Variants in FRMD3 observed in about 807,000 individuals in gnomAD.
FRMD3 encodes the protein FERM domain containing 3.
A neutral mutation model predicts 70.2 loss-of-function variants in FRMD3; 33 were observed. The ratio of observed to expected loss-of-function variants is 0.47; its 90% CI spans 0.36 to 0.63. The LOEUF (loss-of-function observed/expected upper bound fraction) is 0.63. Ranked by LOEUF, FRMD3 falls within the 20% of genes least tolerant of loss-of-function variation. FRMD3 has a pLI of 0.00. For synonymous variants in FRMD3, 279 were observed against 255.9 expected (o/e 1.09, Z -0.86); for missense variants, 632 against 711.4 (o/e 0.89, Z 1.27).
chr9:83,375,178 T>C (rs923230309), intron 2 of FRMD3, among the ~76,000 whole-genome samples: 2 of 152,190 alleles, frequency 1.3e-5, no homozygotes, highest in African/African-American at 4.8e-5. Context: ...CCATGATGGA[T>C]TGGCTATGTC....
chr9:83,305,449 A>G (rs1835091670), intron 10 of FRMD3, among the ~76,000 whole-genome samples: 1 of 152,240 alleles, frequency 6.6e-6, no homozygotes, highest in African/African-American at 2.4e-5. Flanking sequence ...CCAAGAGATT[A>G]ACAGCTTTGT....
intron 2 of FRMD3, among the ~76,000 whole-genome samples, chr9:83,374,193 C>T (rs765427848): frequency 9.9e-5 from 15 of 151,940 alleles, no homozygotes; most frequent in Non-Finnish European, 1.8e-4. Context: ...GTATGGCCTC[C>T]TGGCTGATCA....
intron 12 of FRMD3, among the ~76,000 whole-genome samples, chr9:83,295,128 A>T (rs1371072659): frequency 6.6e-6 from 1 of 152,234 alleles, no homozygotes; most frequent in East Asian, 1.9e-4. Flanking sequence ...CTCTATTGAA[A>T]TAGAAAGGTT....
the FRMD3 span, among the ~76,000 whole-genome samples, chr9:83,578,668 G>A: frequency 6.6e-6 from 1 of 151,824 alleles, no homozygotes; most frequent in Non-Finnish European, 1.5e-5. Flanking sequence ...ATTAGGTACA[G>A]AAGAAATGGA....
At chr9:83,549,522 T>C in the FRMD3 span, among the ~76,000 whole-genome samples, 1 of 152,010 alleles carries the variant, frequency 6.6e-6, no homozygotes, top group Non-Finnish European at 1.5e-5. Flanking sequence ...GAGGGATCAC[T>C]ATACTGCTTC....
intron 3 of FRMD3, among the ~76,000 whole-genome samples, chr9:83,354,625 C>A (rs1315117782): frequency 1.3e-5 from 2 of 152,120 alleles, no homozygotes; most frequent in Non-Finnish European, 2.9e-5. Context: ...GCTAATAAAC[C>A]TGTGCATGTA....
intron 1 of FRMD3, among the ~76,000 whole-genome samples, chr9:83,430,319 T>C (rs1826935651): frequency 6.6e-6 from 1 of 152,124 alleles, no homozygotes; most frequent in Non-Finnish European, 1.5e-5. Context: ...AACCCCAAGA[T>C]TGGCTCCATT....
At chr9:83,354,761 G>A (rs973006878) in intron 3 of FRMD3, among the ~76,000 whole-genome samples, 2 of 152,170 alleles carry the variant, frequency 1.3e-5, no homozygotes. Context: ...AAGGTCATAT[G>A]TGCTATGGGA....
At chr9:83,449,273 A>T (rs139986873) in intron 1 of FRMD3, among the ~76,000 whole-genome samples, 21 of 152,362 alleles carry the variant, frequency 1.4e-4, no homozygotes, top group African/African-American at 4.8e-4. Flanking sequence ...AACCTAACAC[A>T]GAACTCACGA....
intron 10 of FRMD3, among the ~76,000 whole-genome samples, chr9:83,309,038 TGA>T (rs1055328244): frequency 6.6e-6 from 1 of 152,120 alleles, no homozygotes; most frequent in African/African-American, 2.4e-5. Context: ...TAAGAAGATC[TGA>T]GCCCAGTTGT....
chr9:83,386,732 C>T (rs1030828267), intron 2 of FRMD3, among the ~76,000 whole-genome samples: 6 of 152,160 alleles, frequency 3.9e-5, no homozygotes, highest in African/African-American at 1.2e-4. Context: ...CACTACTATA[C>T]TTGTCTATGT....
chr9:83,309,729 T>C, intron 9 of FRMD3, 105 bp from the exon 10 acceptor site: 2 of 630,410 alleles, frequency 3.2e-6, no homozygotes, highest in Non-Finnish European at 5.6e-6. Flanking sequence ...CTATCTCCTA[T>C]TACACAGACT....
At chr9:83,272,367 C>G (rs565857822) in intron 13 of FRMD3, among the ~76,000 whole-genome samples, 2 of 152,082 alleles carry the variant, frequency 1.3e-5, no homozygotes, top group Non-Finnish European at 2.9e-5. Context: ...CTTGGCCTCC[C>G]GAGGTGCCGG....
chr9:83,306,672 A>AT (rs1490496557), intron 10 of FRMD3, among the ~76,000 whole-genome samples: 1 of 152,130 alleles, frequency 6.6e-6, no homozygotes, highest in Non-Finnish European at 1.5e-5. Flanking sequence ...TGCCTTATCA[A>AT]TCTGAGCTAG....
intron 6 of FRMD3, among the ~76,000 whole-genome samples, chr9:83,325,060 G>A (rs2131102343): frequency 6.6e-6 from 1 of 152,274 alleles, no homozygotes; most frequent in East Asian, 1.9e-4. Context: ...TAATAACACA[G>A]AAACAAAGTC....
chr9:83,360,951 A>C (rs1824563535), intron 3 of FRMD3, among the ~76,000 whole-genome samples: 1 of 152,242 alleles, frequency 6.6e-6, no homozygotes, highest in South Asian at 2.1e-4. Context: ...TGGGAGAAGG[A>C]TCAAATATAA....
intron 2 of FRMD3, among the ~76,000 whole-genome samples, chr9:83,373,629 T>C (rs1825049642): frequency 6.6e-6 from 1 of 152,166 alleles, no homozygotes; most frequent in South Asian, 2.1e-4. Context: ...GCTGGCCCTC[T>C]CTACAGCACA....
chr9:83,310,879 G>A (rs540264005), intron 8 of FRMD3, among the ~76,000 whole-genome samples: 27 of 152,344 alleles, frequency 1.8e-4, no homozygotes, highest in Admixed American at 1.2e-3. Flanking sequence ...TGGGAAGAAC[G>A]TGGTGATTTC....
chr9:83,371,863 A>C (rs1436557273), intron 3 of FRMD3, among the ~76,000 whole-genome samples: 2 of 152,176 alleles, frequency 1.3e-5, no homozygotes, highest in Non-Finnish European at 2.9e-5. Flanking sequence ...GGAAGGGAGG[A>C]AGAGAGGGAG....
Sources: gnomAD v4.1 joint callset for allele counts (sites outside exome capture counted in the v4.1 genomes callset) on GRCh38, gnomAD v4.1.1 for gene constraint, MANE v1.5 for transcripts, NCBI Gene and HGNC (gene_info 2026-07-23, HGNC 2026-07-21) for gene names.